PLA2R1: variants seen among roughly 807,000 people sequenced by gnomAD.
PLA2R1 encodes the protein secretory phospholipase A2 receptor.
In PLA2R1, 158 loss-of-function variants were observed where a neutral mutation model predicts 195.9. The ratio of observed to expected loss-of-function variants is 0.81; its 90% CI spans 0.71 to 0.92. PLA2R1 has a LOEUF of 0.92. Among genes scored for constraint, PLA2R1 ranks in the 40% least tolerant of loss-of-function variants. The probability of loss-of-function intolerance (pLI) is 0.00; values close to 1 mark genes in which losing one functional copy is unlikely to be tolerated. For missense variants in PLA2R1, 1,626 were observed against 1,764.6 expected, an observed-to-expected ratio of 0.92 and a Z score of 1.41; for synonymous variants, 586 against 598.2, an observed-to-expected ratio of 0.98 and a Z score of 0.30.
At chr2:159,964,292 G>A (rs1688643143) in intron 20 of PLA2R1, among the ~76,000 whole-genome samples, 1 of 152,162 alleles carries the variant, frequency 6.6e-6, no homozygotes, top group East Asian at 1.9e-4. Flanking sequence ...TAGTGAGAAT[G>A]TTTTGGAAAT....
At chr2:160,002,579 T>C (rs1363592957) in intron 11 of PLA2R1, among the ~76,000 whole-genome samples, 1 of 152,020 alleles carries the variant, frequency 6.6e-6, no homozygotes, top group Non-Finnish European at 1.5e-5. Flanking sequence ...GGTTAGTTTG[T>C]GTACCTGCAA....
At chr2:159,982,309 G>A (rs1207515689) in intron 13 of PLA2R1, among the ~76,000 whole-genome samples, 2 of 152,172 alleles carry the variant, frequency 1.3e-5, no homozygotes, top group Non-Finnish European at 2.9e-5. Context: ...TTCAGACTCA[G>A]AGAGTCTGAC....
chr2:160,052,917 TA>T (rs949143077), intron 1 of PLA2R1, among the ~76,000 whole-genome samples: 2 of 152,032 alleles, frequency 1.3e-5, no homozygotes, highest in Non-Finnish European at 2.9e-5. Flanking sequence ...GTAGAAATGT[TA>T]AAAAACAAAC....
At chr2:159,924,731 G>GT in the PLA2R1 span, among the ~76,000 whole-genome samples, 1 of 59,958 alleles carries the variant, frequency 1.7e-5, no homozygotes, top group South Asian at 1.6e-3. Context: ...CTGGGGGCTG[G>GT]GGGGGGGGCG....
chr2:159,965,767 A>G (rs1688747662), intron 20 of PLA2R1, among the ~76,000 whole-genome samples: 1 of 152,206 alleles, frequency 6.6e-6, no homozygotes. Flanking sequence ...CCAGGAGTGA[A>G]TGAGAGCTCC....
chr2:159,969,962 A>G (rs1438369713), intron 18 of PLA2R1, among the ~76,000 whole-genome samples, 186 bp downstream of exon 18: 1 of 152,232 alleles, frequency 6.6e-6, no homozygotes, highest in Non-Finnish European at 1.5e-5. Context: ...GTTTATGGCT[A>G]GATTGTCGGG....
At chr2:160,016,228 C>T (rs1692736851) in intron 9 of PLA2R1, among the ~76,000 whole-genome samples, 1 of 141,698 alleles carries the variant, frequency 7.1e-6, no homozygotes, top group South Asian at 2.2e-4. Flanking sequence ...TGTGCCACTG[C>T]ACTCCAGCCT....
intron 5 of PLA2R1, 83 bp downstream of exon 5, chr2:160,028,767 T>G: frequency 1.3e-6 from 1 of 794,142 alleles, no homozygotes; most frequent in Non-Finnish European, 2.2e-6. Flanking sequence ...CAAAAAAGCA[T>G]GTCCTATGTG....
intron 20 of PLA2R1, among the ~76,000 whole-genome samples, chr2:159,962,514 C>T (rs1688515768): frequency 6.6e-6 from 1 of 152,154 alleles, no homozygotes; most frequent in South Asian, 2.1e-4. Context: ...TACCATTTGA[C>T]CCAGCAATCC....
chr2:159,969,392 C>G (rs1015686223), intron 18 of PLA2R1, 33 bp from the exon 19 acceptor site: 8 of 1,162,104 alleles, frequency 6.9e-6, no homozygotes, highest in Non-Finnish European at 9.1e-6. Context: ...AAGGTCTTCT[C>G]TCATTCTGCA....
intron 1 of PLA2R1, among the ~76,000 whole-genome samples, chr2:160,047,212 G>C (rs877200): frequency 0.31 from 47,618 of 152,058 alleles, 8,930 homozygotes; most frequent in Non-Finnish European, 0.42. Context: ...CTCCATCTCA[G>C]TGAGCCTCAT....
chr2:160,062,446 C>G lies in PLA2R1; in HGVS notation c.-43G>C. The G allele has an allele frequency of 1.3e-6, 2 of 1,504,110 alleles. No homozygotes were observed. Among genetic ancestry groups the G allele is most frequent in the South Asian group, 2.5e-5 (2 of 80,068 alleles). The allele number at this position is 1,504,110 out of a possible 1,614,324, so 93.2% of individuals were successfully genotyped here. A position where few individuals can be genotyped will look rare whatever the true frequency, so the allele number is the denominator to read the frequency against. On this transcript the variant is annotated 5_prime_UTR_variant, in exon 1 of 30. Coordinates refer to ENST00000283243, the MANE Select transcript of PLA2R1 (RefSeq NM_007366.5). ...TCCGGGAGCCCCTTGTCCCGGGAGC[C>G]CCTTATCCCGGGAGCCCAGAGCCGC...
chr2:159,982,211 A>G (rs1040890338), intron 13 of PLA2R1, among the ~76,000 whole-genome samples: 1 of 152,232 alleles, frequency 6.6e-6, no homozygotes, highest in African/African-American at 2.4e-5. Flanking sequence ...TGTAACTTTG[A>G]ACAATGGAGA....
At chr2:159,952,690 G>T (rs1271664602) in intron 23 of PLA2R1, among the ~76,000 whole-genome samples, 1 of 152,138 alleles carries the variant, frequency 6.6e-6, no homozygotes, top group Non-Finnish European at 1.5e-5. Flanking sequence ...GTCTCCCTTG[G>T]AGGGGTGTGG....
intron 4 of PLA2R1, among the ~76,000 whole-genome samples, chr2:160,029,519 T>C: frequency 6.6e-6 from 1 of 151,906 alleles, no homozygotes; most frequent in East Asian, 1.9e-4. Flanking sequence ...CAGCTTGAGG[T>C]GGGAGAAGTT....
intron 23 of PLA2R1, among the ~76,000 whole-genome samples, chr2:159,951,893 G>C (rs963070821): frequency 6.6e-6 from 1 of 152,110 alleles, no homozygotes; most frequent in East Asian, 1.9e-4. Flanking sequence ...TTCTTAGGTG[G>C]GTTTCACTCC....
intron 6 of PLA2R1, among the ~76,000 whole-genome samples, chr2:160,024,602 C>T (rs72966306): frequency 0.092 from 14,009 of 152,222 alleles, 692 homozygotes; most frequent in Middle Eastern, 0.14. Flanking sequence ...GTCATACCCC[C>T]CAGCACCTAA....
Position 159,946,781 on chromosome 2 carries a change from C to T in PLA2R1, c.3967+20G>A. On this transcript the variant is annotated intron_variant, in intron 27 of 29. Coordinates refer to ENST00000283243, the MANE Select transcript of PLA2R1 (RefSeq NM_007366.5). ...AACCATGTATTTATTTATGTCCTCT[C>T]CTCTACCCAAATCACTTACTGTTAC... The T allele has an allele frequency of 6.3e-7, 1 of 1,596,178 alleles. No homozygotes were observed. Among genetic ancestry groups the T allele is most frequent in the Non-Finnish European group, 8.5e-7 (1 of 1,175,544 alleles).
intron 11 of PLA2R1, among the ~76,000 whole-genome samples, chr2:159,989,669 A>C (rs1258779393): frequency 6.6e-6 from 1 of 152,226 alleles, no homozygotes; most frequent in African/African-American, 2.4e-5. Flanking sequence ...CAAATGAAAT[A>C]ATGAACTGAA....
Sources: allele counts gnomAD v4.1 joint callset (sites outside exome capture counted in the v4.1 genomes callset), GRCh38; gene constraint gnomAD v4.1.1; transcripts MANE v1.5; gene names NCBI Gene and HGNC (gene_info 2026-07-23, HGNC 2026-07-21).